The following CIBAR2 variants were observed in gnomAD, a reference collection of about 807,000 sequenced individuals.
The protein encoded by CIBAR2 is CBY1 interacting BAR domain containing 2.
CIBAR2 carries 38 observed loss-of-function variants against 36.2 expected under a neutral mutation model. The observed-to-expected ratio is 1.05, with a 90% confidence interval of 0.81 to 1.38. The LOEUF (loss-of-function observed/expected upper bound fraction) is 1.38, where lower values mean the gene tolerates loss of function less well. Ranked by LOEUF, CIBAR2 falls within the 40% of genes most tolerant of loss-of-function variation. CIBAR2 has a pLI of 0.00. For missense variants in CIBAR2, 481 were observed against 383.4 expected (o/e 1.25, Z -2.13); for synonymous variants, 182 against 149.5 (o/e 1.22, Z -1.58).
Position 85,110,369 on chromosome 16 carries a change from T to C in CIBAR2, c.112A>G (p.Lys38Glu). Residue 38 changes from lysine (K) to glutamate (E), a missense_variant, in exon 2 of 9, where the codon AAG becomes GAG. By Grantham distance (56) the Lys-to-Glu change is moderately conservative. Transcript: ENST00000539556. ...GCCTTGTCCCGCAGCCGGGCCGTCT[T>C]GCGCGTGTAGGCGGCCAGCAGCGAG... ...FCSLLAAYTR[K>E]TARLRDKADQ... 6.2e-7 allele frequency: 1 copy of C among 1,613,556 alleles called. No individual in the cohort carries two copies. The highest frequency in any genetic ancestry group is 1.1e-5 in the South Asian group (1 of 91,034).
intron 6 of CIBAR2, among the ~76,000 whole-genome samples, chr16:85,103,730 G>C: frequency 6.6e-6 from 1 of 152,192 alleles, no homozygotes; most frequent in Non-Finnish European, 1.5e-5. Flanking sequence ...TCACTCATTC[G>C]TTCATTCCAC....
intron 5 of CIBAR2, among the ~76,000 whole-genome samples, chr16:85,107,092 G>A (rs1002637582): frequency 6.6e-6 from 1 of 152,044 alleles, no homozygotes; most frequent in African/African-American, 2.4e-5. Flanking sequence ...GTTGCAGTGA[G>A]CCGAGACTCT....
chr16:85,112,213 CCT>C, intron 1 of CIBAR2, 118 bp downstream of exon 1: 1 of 813,892 alleles, frequency 1.2e-6, no homozygotes, highest in Non-Finnish European at 2.1e-6. Context: ...GGAGAGCTCC[CCT>C]CACCCCCAAC....
chr16:85,099,461 G>A lies in CIBAR2; in HGVS notation c.754-115C>T, dbSNP rs1030555854. The A allele has an allele frequency of 1.0e-4, 69 of 676,750 alleles. 1 individual carries two copies. The East Asian group carries it at 1.7e-3, about 17-fold the overall frequency. 41.9% of individuals were successfully genotyped at this position (676,750 alleles called of 1,614,324 possible). A position where few individuals can be genotyped will look rare whatever the true frequency, so the allele number is the denominator to read the frequency against. On this transcript the variant is annotated intron_variant, in intron 8 of 8. Coordinates refer to ENST00000539556, the MANE Select transcript of CIBAR2 (RefSeq NM_198491.3). ...TGAGGAACCCTGGATTCTGGAACCCGCGGGCCCACGGGCTGGGATGGAGGT... is the reference window on the plus strand; with the variant it reads ...TGAGGAACCCTGGATTCTGGAACCCACGGGCCCACGGGCTGGGATGGAGGT...
rs2074005954 is a variant in CIBAR2, at chr16:85,107,562, G to A, written c.432+105C>T. 3.1e-6 allele frequency: 4 copies of A among 1,284,134 alleles called. No individual in the cohort carries two copies. In the African/African-American group the frequency reaches 4.4e-5, roughly 14 times the overall value. 79.5% of individuals were successfully genotyped at this position (1,284,134 alleles called of 1,614,324 possible). On this transcript the variant is annotated intron_variant, in intron 5 of 8. Transcript: ENST00000539556. ...TTTCCCAACCTGAGCGCAAGGTCCT[G>A]CACACACCTGCTTCAGACCAGGTAA...
chr16:85,105,531 C>T (rs1321978176), intron 5 of CIBAR2, 100 bp from the exon 6 acceptor site: 17 of 836,718 alleles, frequency 2.0e-5, no homozygotes, highest in Non-Finnish European at 3.1e-5. Context: ...TCTCTCAGGC[C>T]AGTTCTCCTG....
intron 1 of CIBAR2, among the ~76,000 whole-genome samples, chr16:85,110,770 T>A (rs563454985): frequency 1.4e-5 from 2 of 144,352 alleles, no homozygotes; most frequent in African/African-American, 5.2e-5. Flanking sequence ...AGTGGTATGA[T>A]CTTGGCTTAC....
At chr16:85,107,586 A>G in intron 5 of CIBAR2, 81 bp downstream of exon 5, 2 of 1,479,136 alleles carry the variant, frequency 1.4e-6, no homozygotes, top group East Asian at 4.5e-5. Flanking sequence ...CAGACCAGGT[A>G]AAGTCTACCT....
chr16:85,106,066 T>C (rs958565609), intron 5 of CIBAR2, among the ~76,000 whole-genome samples: 2 of 152,192 alleles, frequency 1.3e-5, no homozygotes, highest in Non-Finnish European at 2.9e-5. Context: ...AAGAGACAGC[T>C]GGGGGCTGGC....
At chr16:85,103,084 G>T (rs1319306710) in intron 6 of CIBAR2, among the ~76,000 whole-genome samples, 1 of 152,112 alleles carries the variant, frequency 6.6e-6, no homozygotes, top group Non-Finnish European at 1.5e-5. Flanking sequence ...GTATTTTTTA[G>T]TAGGGACAGG....
At chr16:85,101,622 A>T (rs2144154728) in intron 7 of CIBAR2, among the ~76,000 whole-genome samples, 1 of 152,100 alleles carries the variant, frequency 6.6e-6, no homozygotes, top group Middle Eastern at 3.4e-3. Flanking sequence ...TACATCAAGC[A>T]TCAGCCAGGA....
rs1284716123 is a variant in CIBAR2 at position 85,110,348 on chromosome 16, T to C, written c.133A>G (p.Lys45Glu). The C allele has an allele frequency of 6.2e-7, 1 of 1,613,446 alleles. No homozygotes were observed. The change falls in exon 2 of 9, where the codon AAG (lysine) becomes GAG (glutamate). Residue 45 changes from lysine to glutamate, a missense_variant. Physicochemically the swap from Lys to Glu is moderately conservative, Grantham distance 56. Coordinates refer to ENST00000539556, the MANE Select transcript of CIBAR2 (RefSeq NM_198491.3). ...YTRKTARLRD[K>E]ADQLVKQLID... ...AGCTGCTTGACCAGCTGGTCCGCCT[T>C]GTCCCGCAGCCGGGCCGTCTTGCGC...
intron 8 of CIBAR2, among the ~76,000 whole-genome samples, chr16:85,099,623 CTT>C (rs534443322): frequency 3.6e-5 from 5 of 140,562 alleles, no homozygotes; most frequent in Non-Finnish European, 3.1e-5. Context: ...ATTGATTCTA[CTT>C]TTTTTTTTTT....
intron 7 of CIBAR2, among the ~76,000 whole-genome samples, chr16:85,101,568 C>T (rs781555318): frequency 5.3e-5 from 8 of 152,144 alleles, no homozygotes; most frequent in Non-Finnish European, 1.2e-4. Context: ...TAGATTTTAA[C>T]CAGATCAGAA....
Position 85,108,204 on chromosome 16 carries a change from G to C in CIBAR2, c.256-105C>G, listed in dbSNP as rs1000291687. On this transcript the variant is annotated intron_variant, in intron 2 of 8. Coordinates refer to ENST00000539556, the MANE Select transcript of CIBAR2 (RefSeq NM_198491.3). ...ACCCGGGAGCCGCGTGTCCAGAGCT[G>C]TGCGGCGGGAGGTGGAGCGCGAGGT... 1.5e-5 allele frequency: 16 copies of C among 1,103,132 alleles called. No individual in the cohort carries two copies. In the African/African-American group the frequency reaches 2.3e-4, roughly 16 times the overall value. 68.3% of individuals were successfully genotyped at this position (1,103,132 alleles called of 1,614,324 possible).
At chr16:85,106,388 C>T (rs1290708247) in intron 5 of CIBAR2, among the ~76,000 whole-genome samples, 1 of 152,140 alleles carries the variant, frequency 6.6e-6, no homozygotes, top group Admixed American at 6.5e-5. Context: ...TCCAAGGCAT[C>T]GGGGACTTAG....
chr16:85,108,512 TG>T (rs1256250272), intron 2 of CIBAR2, among the ~76,000 whole-genome samples: 1 of 152,168 alleles, frequency 6.6e-6, no homozygotes, highest in Non-Finnish European at 1.5e-5. Context: ...CCACACAGGG[TG>T]GCGATGACAA....
At chr16:85,107,229 G>A (rs1030876880) in intron 5 of CIBAR2, among the ~76,000 whole-genome samples, 3 of 152,082 alleles carry the variant, frequency 2.0e-5, no homozygotes, top group African/African-American at 7.2e-5. Flanking sequence ...GCGGTGACTA[G>A]CCCTCCTCCA....
At chr16:85,109,236 C>T (rs1373413790) in intron 2 of CIBAR2, among the ~76,000 whole-genome samples, 1 of 152,070 alleles carries the variant, frequency 6.6e-6, no homozygotes, top group African/African-American at 2.4e-5. Flanking sequence ...CATGGCGAAA[C>T]CCCATCTCTT....
Sources: gnomAD v4.1 joint callset for allele counts (sites outside exome capture counted in the v4.1 genomes callset) on GRCh38, gnomAD v4.1.1 for gene constraint, MANE v1.5 for transcripts, NCBI Gene and HGNC (gene_info 2026-07-23, HGNC 2026-07-21) for gene names.